Variants in IL1R2 observed in about 807,000 individuals in gnomAD.
IL1R2 encodes the protein interleukin-1 receptor type 2.
Under a neutral mutation model 39.5 loss-of-function variants are expected in IL1R2, and 46 were observed. The ratio of observed to expected loss-of-function variants is 1.16; its 90% CI spans 0.92 to 1.49. The LOEUF (loss-of-function observed/expected upper bound fraction) is 1.49. IL1R2 is among the 40% of genes most tolerant of loss of function. The probability of loss-of-function intolerance (pLI) is 0.00; values close to 1 mark genes in which losing one functional copy is unlikely to be tolerated. For missense variants in IL1R2, 537 were observed against 502.0 expected (o/e 1.07, Z -0.67); for synonymous variants, 207 against 189.6 (o/e 1.09, Z -0.75).
intron 8 of IL1R2, 151 bp from the exon 9 acceptor site, chr2:102,028,075 G>T: frequency 1.6e-6 from 1 of 606,384 alleles, no homozygotes; most frequent in Non-Finnish European, 2.7e-6. Context: ...CCTCCATGTT[G>T]GTGTGAGGGA....
intron 3 of IL1R2, among the ~76,000 whole-genome samples, chr2:102,014,290 A>T (rs899445318): frequency 1.3e-5 from 2 of 152,196 alleles, no homozygotes; most frequent in African/African-American, 4.8e-5. Context: ...AAAATGATAT[A>T]ATAGTAATTC....
At position 102,014,852 on chromosome 2, in the gene IL1R2, T is replaced by C. The variant is rs28385679; in HGVS notation, c.333-1019T>C. Among the ~76,000 whole-genome samples the C allele has an allele frequency of 4.1e-4, 62 of 151,614 alleles. No homozygotes were observed. In the Middle Eastern group the frequency reaches 0.024, roughly 58 times the overall value. On this transcript the variant is annotated intron_variant, in intron 3 of 8. Transcript: ENST00000332549. The stretch of plus-strand genomic sequence containing the variant: ...ATTACTGTTTTCTGTCCTCCATCCA[T>C]TTCCCACAAGTTTCCAGCAAGGTTT...
In IL1R2 at chr2:102,022,192, AAAG is replaced by A. The variant is rs1677442802; in HGVS notation, c.699_701del (p.Glu234del). ...TTTCCTTACATCTTTCTCAGAAAAA[AAAG>A]AAGAGACCATTCCTGTGATCATTTC... On this transcript the variant is annotated inframe_deletion, in exon 6 of 9. Coordinates refer to ENST00000332549, the MANE Select transcript of IL1R2 (RefSeq NM_004633.4). 6.2e-7 allele frequency: 1 copy of A among 1,613,184 alleles called. No homozygotes were observed. The highest frequency in any genetic ancestry group is 1.3e-5 in the African/African-American group (1 of 74,914).
intron 1 of IL1R2, among the ~76,000 whole-genome samples, chr2:102,005,484 A>C (rs1256826560): frequency 6.6e-6 from 1 of 152,186 alleles, no homozygotes; most frequent in Non-Finnish European, 1.5e-5. Flanking sequence ...ACACATAAAA[A>C]AGGTAGTCCA....
chr2:101,998,344 TG>T (rs1675688329), intron 1 of IL1R2, among the ~76,000 whole-genome samples: 1 of 152,240 alleles, frequency 6.6e-6, no homozygotes, highest in Non-Finnish European at 1.5e-5. Flanking sequence ...CTGTCTCCTC[TG>T]TTACTGGGCA....
Position 102,008,619 on chromosome 2 carries a change from C to T in IL1R2, c.44C>T (p.Thr15Ile), listed in dbSNP as rs1283149013. 1.9e-6 allele frequency: 3 copies of T among 1,614,120 alleles called. No homozygotes were observed. Among genetic ancestry groups the T allele is most frequent in the South Asian group, 1.1e-5 (1 of 91,078 alleles). ...YVLVMGVSAF[T>I]LQPAAHTGAA... Reference sequence around the variant, plus strand: ...TTGGTAATGGGAGTTTCTGCCTTCACCCTTCAGCCTGCGGCACACACAGGT... The same window carrying T: ...TTGGTAATGGGAGTTTCTGCCTTCATCCTTCAGCCTGCGGCACACACAGGT... The change falls in exon 2 of 9, where the codon ACC becomes ATC. Residue 15 changes from threonine (T) to isoleucine (I), a missense_variant. Coordinates refer to ENST00000332549, the MANE Select transcript of IL1R2 (RefSeq NM_004633.4).
intron 5 of IL1R2, among the ~76,000 whole-genome samples, chr2:102,021,305 CT>C (rs546019141): frequency 0.011 from 1,310 of 122,818 alleles, 3 homozygotes; most frequent in African/African-American, 0.03. Flanking sequence ...CTTTTCTTTT[CT>C]TTTTTTTTTT....
At chr2:102,008,790 G>C in intron 2 of IL1R2, 148 bp downstream of exon 2, 1 of 680,590 alleles carries the variant, frequency 1.5e-6, no homozygotes, top group Non-Finnish European at 2.6e-6. Context: ...GAGAGCCCTA[G>C]GCGGGTGGAT....
At chr2:101,992,654 T>TGGGGAGAGACAGAGAAAGGC in intron 1 of IL1R2, among the ~76,000 whole-genome samples, 1 of 129,088 alleles carries the variant, frequency 7.7e-6, no homozygotes, top group Admixed American at 7.6e-5. Context: ...GAGACAGAGA[T>TGGGGAGAGACAGAGAAAGGC]GGGGAGAGAC....
At chr2:101,994,317 G>A (rs926851285) in intron 1 of IL1R2, among the ~76,000 whole-genome samples, 2 of 151,718 alleles carry the variant, frequency 1.3e-5, no homozygotes, top group South Asian at 2.1e-4. Flanking sequence ...CACGGACCCC[G>A]AGCCCCCCTC....
chr2:102,026,229 A>T lies in IL1R2; in HGVS notation c.1006A>T (p.Thr336Ser), dbSNP rs1215328853. Reference protein sequence around the residue: ...CVVHNTLSFQTLRTTVKEASS... With the variant: ...CVVHNTLSFQSLRTTVKEASS... The stretch of plus-strand genomic sequence containing the variant: ...TGTCCATAATACCCTGAGTTTTCAG[A>T]CACTACGCACCACAGTCAAGGAAGG... Residue 336 changes from threonine to serine, a missense_variant, in exon 8 of 9, where the codon ACA becomes TCA. Transcript: ENST00000332549. 6.2e-7 allele frequency: 1 copy of T among 1,613,240 alleles called. No individual in the cohort carries two copies.
At chr2:102,012,121 C>A (rs745563836) in intron 3 of IL1R2, among the ~76,000 whole-genome samples, 3 of 152,186 alleles carry the variant, frequency 2.0e-5, no homozygotes, top group Non-Finnish European at 4.4e-5. Flanking sequence ...TAGGACAACC[C>A]TCAGCTTGAT....
At chr2:102,019,326 A>G (rs1677210008) in intron 4 of IL1R2, among the ~76,000 whole-genome samples, 1 of 152,242 alleles carries the variant, frequency 6.6e-6, no homozygotes, top group African/African-American at 2.4e-5. Context: ...AGCAGTCAGG[A>G]CATAAACATA....
rs545625239 is a variant in IL1R2, at chr2:102,016,129, C to T, written c.513+78C>T. 8.3e-5 allele frequency: 96 copies of T among 1,163,090 alleles called. No individual in the cohort carries two copies. In the South Asian group the frequency reaches 1.1e-3, roughly 13 times the overall value. 72.0% of individuals were successfully genotyped at this position (1,163,090 alleles called of 1,614,324 possible). ...GCCATAAAAGAAAGACTTAAAATAT[C>T]GATTTTCTGAAGACAGTGCACACAC... is the stretch of plus-strand genomic sequence containing the variant. On this transcript the variant is annotated intron_variant, in intron 4 of 8. Coordinates refer to ENST00000332549, the MANE Select transcript of IL1R2 (RefSeq NM_004633.4).
At chr2:101,993,300 C>T (rs1675435080) in intron 1 of IL1R2, among the ~76,000 whole-genome samples, 1 of 152,070 alleles carries the variant, frequency 6.6e-6, no homozygotes, top group African/African-American at 2.4e-5. Flanking sequence ...GGATGAGCTG[C>T]GTGACAGCTC....
intron 8 of IL1R2, 46 bp downstream of exon 8, chr2:102,026,299 G>A: frequency 1.4e-6 from 2 of 1,430,436 alleles, no homozygotes; most frequent in Non-Finnish European, 1.9e-6. Context: ...ATAACATGTT[G>A]AATGTTCCAT....
At chr2:102,026,045 C>T in intron 7 of IL1R2, 66 bp from the exon 8 acceptor site, 2 of 1,308,150 alleles carry the variant, frequency 1.5e-6, no homozygotes, top group African/African-American at 1.5e-5. Context: ...GTTTAGATGT[C>T]TACATTGTGA....
chr2:102,024,848 T>G (rs969739941), intron 7 of IL1R2, 180 bp downstream of exon 7: 2 of 769,260 alleles, frequency 2.6e-6, no homozygotes, highest in Non-Finnish European at 3.9e-6. Context: ...TCAAACTTTC[T>G]CTGTAAATAC....
At chr2:102,013,550 A>G (rs1409747308) in intron 3 of IL1R2, among the ~76,000 whole-genome samples, 1 of 133,204 alleles carries the variant, frequency 7.5e-6, no homozygotes, top group African/African-American at 3.4e-5. Flanking sequence ...AAAAAAAAAA[A>G]AAGGAAAGAA....
Sources: allele counts gnomAD v4.1 joint callset (sites outside exome capture counted in the v4.1 genomes callset), GRCh38; gene constraint gnomAD v4.1.1; transcripts MANE v1.5; gene names NCBI Gene and HGNC (gene_info 2026-07-23, HGNC 2026-07-21).